The following GPLD1 variants were observed in gnomAD, a reference collection of about 807,000 sequenced individuals.
The protein encoded by GPLD1 is phosphatidylinositol-glycan-specific phospholipase D.
Under a neutral mutation model 112.6 loss-of-function variants are expected in GPLD1, and 84 were observed. That is an observed-to-expected ratio of 0.75 (90% CI 0.63 to 0.89). GPLD1 has a LOEUF of 0.89. GPLD1 is among the 40% of genes least tolerant of loss of function. The probability of loss-of-function intolerance (pLI) is 0.00; values close to 1 mark genes in which losing one functional copy is unlikely to be tolerated. For missense variants in GPLD1, 1,044 were observed against 1,051.5 expected (o/e 0.99, Z 0.10); for synonymous variants, 386 against 403.8 (o/e 0.96, Z 0.53).
At chr6:24,483,155 T>C (rs1265604413) in intron 2 of GPLD1, among the ~76,000 whole-genome samples, 4 of 143,494 alleles carry the variant, frequency 2.8e-5, no homozygotes, top group Admixed American at 2.8e-4. Context: ...TGGTGAAACT[T>C]CCACTCTACT....
At chr6:24,434,381 G>C (rs1762503478) in intron 22 of GPLD1, among the ~76,000 whole-genome samples, 1 of 151,284 alleles carries the variant, frequency 6.6e-6, no homozygotes, top group East Asian at 2.0e-4. Context: ...CTGGATGACA[G>C]AGTGAGACTC....
chr6:24,436,874 G>A, intron 21 of GPLD1, 138 bp from the exon 22 acceptor site: 1 of 889,564 alleles, frequency 1.1e-6, no homozygotes, highest in African/African-American at 1.7e-5. Flanking sequence ...TTTCATCCTG[G>A]CAAAGGCTTT....
chr6:24,465,121 CAG>C (rs1352351041), intron 10 of GPLD1, among the ~76,000 whole-genome samples: 1 of 147,772 alleles, frequency 6.8e-6, no homozygotes, highest in Non-Finnish European at 1.5e-5. Flanking sequence ...TGCTTGAACC[CAG>C]GAGGTGGAGG....
chr6:24,451,480 A>G (rs952501376), intron 14 of GPLD1, among the ~76,000 whole-genome samples: 6 of 152,182 alleles, frequency 3.9e-5, no homozygotes, highest in Admixed American at 2.6e-4. Flanking sequence ...CTGGGATTAC[A>G]GGCATATGCC....
At chr6:24,462,401 C>A (rs1017021652) in intron 11 of GPLD1, among the ~76,000 whole-genome samples, 3 of 152,120 alleles carry the variant, frequency 2.0e-5, no homozygotes, top group Non-Finnish European at 4.4e-5. Flanking sequence ...TCCCAGAGTG[C>A]TAGGATTACA....
At chr6:24,431,113 T>G (rs1762389566) in intron 24 of GPLD1, among the ~76,000 whole-genome samples, 1 of 152,192 alleles carries the variant, frequency 6.6e-6, no homozygotes, top group Non-Finnish European at 1.5e-5. Flanking sequence ...TCCCATAAAG[T>G]TAATAACCAT....
rs543132824 is a variant in GPLD1 at position 24,447,092 on chromosome 6, T to C, written c.1679-113A>G. The C allele has an allele frequency of 7.4e-4, 667 of 904,640 alleles. 6 individuals are homozygous for C. Among genetic ancestry groups the C allele is most frequent in the Non-Finnish European group, 3.0e-4 (174 of 583,512 alleles). 56.0% of individuals were successfully genotyped at this position (904,640 alleles called of 1,614,324 possible). On this transcript the variant is annotated intron_variant, in intron 17 of 24. Coordinates refer to ENST00000230036, the MANE Select transcript of GPLD1 (RefSeq NM_001503.4). ...AGAAGTGGGTTCATTTTGCTGAGTTTTTGCCAGAGGTCTTATATGTCCCCA... is the reference window on the plus strand; with the variant it reads ...AGAAGTGGGTTCATTTTGCTGAGTTCTTGCCAGAGGTCTTATATGTCCCCA...
chr6:24,432,101 G>A (rs1762421661), intron 24 of GPLD1, among the ~76,000 whole-genome samples: 1 of 151,946 alleles, frequency 6.6e-6, no homozygotes, highest in African/African-American at 2.4e-5. Flanking sequence ...ACAAAAACTA[G>A]CATGGAATGG....
In GPLD1 at chr6:24,466,832, G is replaced by A; in HGVS notation, c.682-13C>T. 6.2e-7 allele frequency: 1 copy of A among 1,605,130 alleles called. No individual in the cohort carries two copies. The highest frequency in any genetic ancestry group is 8.5e-7 in the Non-Finnish European group (1 of 1,172,466). The stretch of plus-strand genomic sequence containing the variant: ...AAGTGGGATATAACTATGGCAGAGA[G>A]AAAGAAAAAATAAAATGAATATGGT... On this transcript the variant is annotated splice_polypyrimidine_tract_variant and intron_variant, in intron 9 of 24. Transcript: ENST00000230036.
chr6:24,449,711 C>T, intron 15 of GPLD1, 78 bp downstream of exon 15: 1 of 903,366 alleles, frequency 1.1e-6, no homozygotes. Context: ...TCCAGGGGCT[C>T]ATCCCAGCGT....
chr6:24,429,700 A>G (rs1762342684), intron 24 of GPLD1, among the ~76,000 whole-genome samples: 1 of 152,164 alleles, frequency 6.6e-6, no homozygotes, highest in Non-Finnish European at 1.5e-5. Context: ...GGCATGTGCC[A>G]CCACATCTGG....
At chr6:24,438,525 T>C (rs1385523058) in intron 20 of GPLD1, among the ~76,000 whole-genome samples, 1 of 152,190 alleles carries the variant, frequency 6.6e-6, no homozygotes, top group Non-Finnish European at 1.5e-5. Flanking sequence ...TGTGCCTTGT[T>C]TATGGGAAAC....
In GPLD1 at chr6:24,489,274, TCTC is replaced by T. The variant is rs528277457; in HGVS notation, c.97+138_97+140del. 1.8e-4 allele frequency: 114 copies of T among 626,326 alleles called. No individual in the cohort carries two copies. The East Asian group carries it at 3.0e-3, about 17-fold the overall frequency. 38.8% of individuals were successfully genotyped at this position (626,326 alleles called of 1,614,324 possible). A position where few individuals can be genotyped will look rare whatever the true frequency, so the allele number is the denominator to read the frequency against. ...CCCTGGATGACTGCAATCACCGGCT[TCTC>T]CTCCCTGCTGTCAGGCCACTCAGCT... On this transcript the variant is annotated intron_variant, in intron 1 of 24. Transcript: ENST00000230036.
Position 24,489,463 on chromosome 6 carries a change from G to A in GPLD1, c.49C>T (p.Leu17Phe), listed in dbSNP as rs2235501. Residue 17 changes from leucine to phenylalanine, a missense_variant, in exon 1 of 25, where the codon CTC becomes TTC. Coordinates refer to ENST00000230036, the MANE Select transcript of GPLD1 (RefSeq NM_001503.4). ...WPGLLIMLGS[L>F]CHRGSPCGLS... ...CCACACGGTGAACCTCTATGGCAGA[G>A]AGAACCCAACATGATCAGCAGGCCA... 1 of 1,613,800 alleles carries A rather than the reference G, an allele frequency of 6.2e-7. No individual in the cohort carries two copies. The highest frequency in any genetic ancestry group is 2.2e-5 in the East Asian group (1 of 44,864).
chr6:24,469,224 T>C (rs1445965476), intron 7 of GPLD1, among the ~76,000 whole-genome samples: 2 of 149,878 alleles, frequency 1.3e-5, no homozygotes, highest in Admixed American at 1.3e-4. Context: ...GTGTGGCGAT[T>C]CCTCAGGGAT....
At chr6:24,478,024 C>T (rs369570749) in intron 3 of GPLD1, among the ~76,000 whole-genome samples, 3 of 152,182 alleles carry the variant, frequency 2.0e-5, no homozygotes, top group African/African-American at 7.2e-5. Flanking sequence ...CTGGAAAATG[C>T]TAGGTAAATA....
chr6:24,472,675 T>A, intron 6 of GPLD1, 39 bp from the exon 7 acceptor site: 1 of 1,115,810 alleles, frequency 9.0e-7, no homozygotes, highest in East Asian at 2.3e-5. Context: ...GGTGGATTAG[T>A]GACAAACATA....
Position 24,437,188 on chromosome 6 carries a change from T to G in GPLD1, c.2122A>C (p.Thr708Pro). 6.2e-7 allele frequency: 1 copy of G among 1,614,158 alleles called. No individual in the cohort carries two copies. The highest frequency in any genetic ancestry group is 1.1e-5 in the South Asian group (1 of 91,090). Residue 708 changes from threonine to proline, a missense_variant, in exon 21 of 25, where the codon ACC becomes CCC. Thr to Pro is a conservative substitution (Grantham distance 38, BLOSUM62 -1). Transcript: ENST00000230036. ...GAGAAGCGGCGGTCTCCGCTGAAGG[T>G]GCTGAGCAGCAGAGGCTGCGCGTCA... Reference protein sequence around the residue: ...TSDAQPLLLSTFSGDRRFSRF... With the variant: ...TSDAQPLLLSPFSGDRRFSRF...
intron 24 of GPLD1, among the ~76,000 whole-genome samples, chr6:24,430,400 G>A (rs1762365250): frequency 1.3e-5 from 2 of 152,162 alleles, no homozygotes; most frequent in Admixed American, 1.3e-4. Context: ...AAACTGGATG[G>A]TCTTGTGGGC....
Sources: allele counts gnomAD v4.1 joint callset (sites outside exome capture counted in the v4.1 genomes callset), GRCh38; gene constraint gnomAD v4.1.1; transcripts MANE v1.5; gene names NCBI Gene and HGNC (gene_info 2026-07-23, HGNC 2026-07-21).